The following VWA8 variants were observed in gnomAD, a reference collection of about 807,000 sequenced individuals.
The protein encoded by VWA8 is von Willebrand factor A domain-containing protein 8.
A neutral mutation model predicts 241.5 loss-of-function variants in VWA8; 221 were observed. That is an observed-to-expected ratio of 0.91 (90% CI 0.82 to 1.02). The LOEUF (loss-of-function observed/expected upper bound fraction) is 1.02. VWA8 is among the 50% of genes least tolerant of loss of function. VWA8 has a pLI of 0.00. For synonymous variants in VWA8, 852 were observed against 827.1 expected (o/e 1.03, Z -0.52); for missense variants, 2,322 against 2,328.7 (o/e 1.00, Z 0.06).
At chr13:41,615,510 C>T (rs568684894) in intron 37 of VWA8, among the ~76,000 whole-genome samples, 1 of 152,012 alleles carries the variant, frequency 6.6e-6, no homozygotes, top group Non-Finnish European at 1.5e-5. Context: ...ATTCTGTTTT[C>T]AAAGAAATCC....
intron 34 of VWA8, 92 bp downstream of exon 34, chr13:41,689,262 G>A (rs2045158779): frequency 1.5e-6 from 2 of 1,330,392 alleles, no homozygotes; most frequent in African/African-American, 3.0e-5. Flanking sequence ...AGGAAATTAT[G>A]TTTTTAATTA....
At chr13:41,654,427 C>G (rs564922568) in intron 37 of VWA8, among the ~76,000 whole-genome samples, 1 of 152,158 alleles carries the variant, frequency 6.6e-6, no homozygotes, top group African/African-American at 2.4e-5. Flanking sequence ...GACCTGGTTT[C>G]GTGGAACAAT....
intron 21 of VWA8, among the ~76,000 whole-genome samples, chr13:41,756,733 T>C (rs762203782): frequency 6.6e-5 from 10 of 151,684 alleles, no homozygotes; most frequent in Non-Finnish European, 1.0e-4. Context: ...TTTGAAGCCA[T>C]CTTTAAGAAA....
At position 41,761,187 on chromosome 13, in the gene VWA8, C is replaced by G. The variant is rs763769133; in HGVS notation, c.2367G>C (p.Lys789Asn). The G allele has an allele frequency of 1.2e-6, 2 of 1,611,094 alleles. No homozygotes were observed. Among genetic ancestry groups the G allele is most frequent in the Non-Finnish European group, 8.5e-7 (1 of 1,178,268 alleles). The change falls in exon 21 of 45, where the codon AAG becomes AAC. Residue 789 changes from lysine (K) to asparagine (N), a missense_variant. Coordinates refer to ENST00000379310, the MANE Select transcript of VWA8 (RefSeq NM_015058.2). Reference protein sequence around the residue: ...LVGNQGVGKNKIVDRFLHLLN... With the variant: ...LVGNQGVGKNNIVDRFLHLLN... ...GCAGGTGAAGGAATCTGTCAACAATCTTGTTTTTTCCTACACCCTGTAATT... is the reference window on the plus strand; with the variant it reads ...GCAGGTGAAGGAATCTGTCAACAATGTTGTTTTTTCCTACACCCTGTAATT...
chr13:41,663,945 A>G (rs1266463136), intron 37 of VWA8, among the ~76,000 whole-genome samples: 1 of 151,674 alleles, frequency 6.6e-6, no homozygotes, highest in Non-Finnish European at 1.5e-5. Context: ...CAGTCTAGAC[A>G]TAATGTATTC....
chr13:41,576,642 C>T (rs2044352144), intron 42 of VWA8, among the ~76,000 whole-genome samples: 1 of 152,168 alleles, frequency 6.6e-6, no homozygotes, highest in African/African-American at 2.4e-5. Flanking sequence ...TAACAGTTAT[C>T]CCCAGGAGGG....
intron 37 of VWA8, among the ~76,000 whole-genome samples, chr13:41,650,512 C>T (rs2044862211): frequency 6.6e-6 from 1 of 152,226 alleles, no homozygotes. Flanking sequence ...TTTACAGATA[C>T]AAAAGGCTCA....
intron 37 of VWA8, among the ~76,000 whole-genome samples, chr13:41,631,369 A>G (rs7324356): frequency 0.68 from 103,798 of 151,712 alleles, 36,012 homozygotes; most frequent in South Asian, 0.84. Flanking sequence ...GCTCCGGGTT[A>G]TTCTTAAATC....
At chr13:41,953,245 G>A (rs925774613) in intron 1 of VWA8, among the ~76,000 whole-genome samples, 4 of 152,118 alleles carry the variant, frequency 2.6e-5, no homozygotes, top group African/African-American at 9.7e-5. Flanking sequence ...AGAGAAGATT[G>A]GAAAACATTA....
chr13:41,833,404 C>A lies in VWA8; in HGVS notation c.1553G>T (p.Arg518Leu), dbSNP rs776040339. The change falls in exon 13 of 45, where the codon CGG becomes CTG. Residue 518 changes from arginine to leucine, a missense_variant. Arg to Leu is a moderately radical substitution (Grantham distance 102). Transcript: ENST00000379310. The part of the protein sequence containing the change: ...GKLVLLDGIH[R>L]VNAGTLAVLQ... ...TACAGCAAGCGTGCCCGCATTCACC[C>A]GGTGAATGCCATCCAGCAGGACCAG... is the stretch of plus-strand genomic sequence containing the variant. 4 of 1,613,402 alleles carry A rather than the reference C, an allele frequency of 2.5e-6. No individual in the cohort carries two copies. The highest frequency in any genetic ancestry group is 3.3e-5 in the Admixed American group (2 of 59,842).
chr13:41,685,175 G>A lies in VWA8; in HGVS notation c.4199C>T (p.Ser1400Leu). ...SLHKRSGTDT[S>L]FYRGKKKRGT... Reference sequence around the variant, plus strand: ...CCTTTTCTTCTTTCCTCTATAGAATGATGTATCAGTGCCACTTCGTTTATG... The same window carrying A: ...CCTTTTCTTCTTTCCTCTATAGAATAATGTATCAGTGCCACTTCGTTTATG... The change falls in exon 35 of 45, where the codon TCA becomes TTA. Residue 1400 changes from serine (S) to leucine (L), a missense_variant. Physicochemically the swap from Ser to Leu is moderately radical, Grantham distance 145. Coordinates refer to ENST00000379310, the MANE Select transcript of VWA8 (RefSeq NM_015058.2). 1 of 1,613,486 alleles carries A rather than the reference G, an allele frequency of 6.2e-7. No individual in the cohort carries two copies. Among genetic ancestry groups the A allele is most frequent in the Non-Finnish European group, 8.5e-7 (1 of 1,179,698 alleles).
chr13:41,873,096 G>A (rs530462937), intron 9 of VWA8, among the ~76,000 whole-genome samples: 2 of 152,124 alleles, frequency 1.3e-5, no homozygotes, highest in South Asian at 4.2e-4. Flanking sequence ...GGTACATAAC[G>A]AAATGAAGGC....
At chr13:41,908,777 C>T (rs1402169322) in intron 3 of VWA8, among the ~76,000 whole-genome samples, 2 of 152,122 alleles carry the variant, frequency 1.3e-5, no homozygotes, top group Non-Finnish European at 2.9e-5. Flanking sequence ...TTTGGTTTTA[C>T]AATGTTGAAG....
At chr13:41,735,949 A>G (rs79915178) in intron 21 of VWA8, among the ~76,000 whole-genome samples, 100 of 152,316 alleles carry the variant, frequency 6.6e-4, no homozygotes, top group African/African-American at 2.3e-3. Flanking sequence ...TTCTCCACAC[A>G]AATAAACAAT....
intron 26 of VWA8, among the ~76,000 whole-genome samples, chr13:41,712,508 A>AG (rs1286604257): frequency 6.6e-6 from 1 of 152,256 alleles, no homozygotes; most frequent in Non-Finnish European, 1.5e-5. Context: ...GAATAGGCCT[A>AG]GTCCTCAATG....
chr13:41,895,517 T>C (rs375331259), intron 4 of VWA8, among the ~76,000 whole-genome samples: 5 of 152,156 alleles, frequency 3.3e-5, no homozygotes, highest in African/African-American at 1.2e-4. Flanking sequence ...AGAGCATACA[T>C]GGTCATACAG....
intron 2 of VWA8, among the ~76,000 whole-genome samples, chr13:41,930,751 C>T (rs998820835): frequency 6.6e-6 from 1 of 152,164 alleles, no homozygotes; most frequent in Non-Finnish European, 1.5e-5. Flanking sequence ...AGAGTTGGGT[C>T]CCATCCCCGC....
At chr13:41,677,133 T>C (rs2045065781) in intron 35 of VWA8, among the ~76,000 whole-genome samples, 1 of 152,122 alleles carries the variant, frequency 6.6e-6, no homozygotes. Flanking sequence ...GGCATGGGGA[T>C]TGTGTTTTTT....
chr13:41,887,795 C>G (rs1420289813), intron 5 of VWA8, among the ~76,000 whole-genome samples: 1 of 152,240 alleles, frequency 6.6e-6, no homozygotes, highest in Non-Finnish European at 1.5e-5. Context: ...AAGCATATTA[C>G]TAGCAATAAC....
Sources: gnomAD v4.1 joint callset for allele counts (sites outside exome capture counted in the v4.1 genomes callset) on GRCh38, gnomAD v4.1.1 for gene constraint, MANE v1.5 for transcripts, NCBI Gene and HGNC (gene_info 2026-07-23, HGNC 2026-07-21) for gene names.